ATP8B4: variants seen among roughly 807,000 people sequenced by gnomAD.
The protein encoded by ATP8B4 is probable phospholipid-transporting ATPase IM.
ATP8B4 carries 133 observed loss-of-function variants against 145.6 expected under a neutral mutation model. The ratio of observed to expected loss-of-function variants is 0.91; its 90% CI spans 0.79 to 1.05. ATP8B4 has a LOEUF of 1.05. Among genes scored for constraint, ATP8B4 ranks in the 50% least tolerant of loss-of-function variants. The pLI is 0.00. For synonymous variants in ATP8B4, 507 were observed against 492.9 expected (o/e 1.03, Z -0.38); for missense variants, 1,458 against 1,425.2 (o/e 1.02, Z -0.37).
rs775117819 is a variant in ATP8B4, at chr15:50,044,734, G to A, written c.202-42C>T. ...AAATAGTTTAGGGCTTTTAAAGTTAGAAAATATATCTTCCAAACTGTGTCA... is the reference window on the plus strand; with the variant it reads ...AAATAGTTTAGGGCTTTTAAAGTTAAAAAATATATCTTCCAAACTGTGTCA... On this transcript the variant is annotated intron_variant, in intron 4 of 27. Coordinates refer to ENST00000284509, the MANE Select transcript of ATP8B4 (RefSeq NM_024837.4). 17 of 1,383,548 alleles carry A rather than the reference G, an allele frequency of 1.2e-5. No individual in the cohort carries two copies. The African/African-American group carries it at 1.9e-4, about 15-fold the overall frequency. The allele number at this position is 1,383,548 out of a possible 1,614,324, so 85.7% of individuals were successfully genotyped here. A position where few individuals can be genotyped will look rare whatever the true frequency, so the allele number is the denominator to read the frequency against.
At chr15:50,036,491 A>G (rs1599954294) in intron 6 of ATP8B4, among the ~76,000 whole-genome samples, 1 of 152,288 alleles carries the variant, frequency 6.6e-6, no homozygotes, top group South Asian at 2.1e-4. Context: ...TCTGGGCAGA[A>G]CCCCAACAGC....
intron 3 of ATP8B4, among the ~76,000 whole-genome samples, chr15:50,049,601 G>A (rs558383657): frequency 6.6e-5 from 10 of 152,246 alleles, no homozygotes; most frequent in South Asian, 2.1e-4. Flanking sequence ...AAATAGTGCC[G>A]TAATGAACAT....
rs114501370 is a variant in ATP8B4, at chr15:50,174,466, G to A, written c.-43+7795C>T. ...CACAGTTTCCAGATACAAGATTAAC[G>A]TACACAAATCAGTAGCTCTTCTACA... is the stretch of plus-strand genomic sequence containing the variant. On this transcript the variant is annotated intron_variant, in intron 1 of 3. Transcript: ENST00000558829. 5.4e-3 allele frequency among the ~76,000 whole-genome samples: 818 copies of A among 150,936 alleles called. 8 individuals are homozygous for A. Among genetic ancestry groups the A allele is most frequent in the African/African-American group, 0.019 (766 of 40,982 alleles).
At chr15:49,949,508 A>G (rs1237843724) in intron 14 of ATP8B4, among the ~76,000 whole-genome samples, 1 of 152,150 alleles carries the variant, frequency 6.6e-6, no homozygotes, top group African/African-American at 2.4e-5. Flanking sequence ...TGATTTCTGC[A>G]CATTGATTTT....
rs1339387000 is a variant in ATP8B4 at position 50,103,227 on chromosome 15, C to G, written c.28+3712G>C. Reference sequence around the variant, plus strand: ...TTCACCACTTCTATTCAACATAGTACTGGAAGTCCTAGCCAGAGCAATCAG... The same window carrying G: ...TTCACCACTTCTATTCAACATAGTAGTGGAAGTCCTAGCCAGAGCAATCAG... On this transcript the variant is annotated intron_variant, in intron 2 of 27. Coordinates refer to ENST00000284509, the MANE Select transcript of ATP8B4 (RefSeq NM_024837.4). Among the ~76,000 whole-genome samples, 2 of 152,024 alleles carry G rather than the reference C, an allele frequency of 1.3e-5. 1 individual carries two copies. Among genetic ancestry groups the G allele is most frequent in the South Asian group, 4.1e-4 (2 of 4,820 alleles).
chr15:49,964,902 C>T (rs1376609251), intron 13 of ATP8B4, among the ~76,000 whole-genome samples: 2 of 152,074 alleles, frequency 1.3e-5, no homozygotes, highest in African/African-American at 4.8e-5. Flanking sequence ...CAAAAAAAAT[C>T]CAAAAGGTCC....
chr15:49,981,318 T>C, intron 10 of ATP8B4, 24 bp from the exon 11 acceptor site: 2 of 1,523,430 alleles, frequency 1.3e-6, no homozygotes, highest in South Asian at 1.1e-5. Context: ...AAAAAGTAAA[T>C]AACTTTGAAA....
chr15:50,105,463 G>A (rs1045521345), intron 2 of ATP8B4, among the ~76,000 whole-genome samples: 1 of 152,034 alleles, frequency 6.6e-6, no homozygotes. Flanking sequence ...TAGGGGAAAT[G>A]TAAATAAAAA....
intron 1 of ATP8B4, among the ~76,000 whole-genome samples, chr15:50,181,815 C>G (rs1326947208): frequency 6.6e-6 from 1 of 152,180 alleles, no homozygotes; most frequent in Non-Finnish European, 1.5e-5. Flanking sequence ...GGCAGTGGCA[C>G]CTGGTACCCG....
intron 1 of ATP8B4, among the ~76,000 whole-genome samples, chr15:50,166,130 T>A (rs1164652499): frequency 6.6e-6 from 1 of 152,158 alleles, no homozygotes; most frequent in Non-Finnish European, 1.5e-5. Flanking sequence ...GAGTGATATC[T>A]TGAAAGTACC....
chr15:49,972,621 T>C lies in ATP8B4; in HGVS notation c.1204A>G (p.Met402Val). Residue 402 changes from methionine (M) to valine (V), a missense_variant, in exon 13 of 28, where the codon ATG becomes GTG. Coordinates refer to ENST00000284509, the MANE Select transcript of ATP8B4 (RefSeq NM_024837.4). ...TTAATGGAACATCTTTTAAAGGTCA[T>C]GATGTTTTGAGTGAGGGTACCCGTT... ...DKTGTLTQNIMTFKRCSINGR... is the reference protein window; with the variant it reads ...DKTGTLTQNIVTFKRCSINGR... 6.2e-7 allele frequency: 1 copy of C among 1,613,906 alleles called. No individual in the cohort carries two copies. The highest frequency in any genetic ancestry group is 8.5e-7 in the Non-Finnish European group (1 of 1,179,884).
At chr15:50,108,376 C>T (rs776584149) in intron 1 of ATP8B4, among the ~76,000 whole-genome samples, 2 of 152,128 alleles carry the variant, frequency 1.3e-5, no homozygotes, top group Non-Finnish European at 2.9e-5. Flanking sequence ...TCATGTCACA[C>T]CCCTGCTAAA....
At chr15:50,057,293 A>T (rs920124208) in intron 3 of ATP8B4, among the ~76,000 whole-genome samples, 1 of 152,206 alleles carries the variant, frequency 6.6e-6, no homozygotes, top group South Asian at 2.1e-4. Context: ...AAAAAATCCA[A>T]TGAGCTGTGA....
chr15:50,047,391 C>G lies in ATP8B4; in HGVS notation c.161G>C (p.Arg54Thr). Residue 54 changes from arginine to threonine, a missense_variant, in exon 4 of 28, where the codon AGA becomes ACA. By Grantham distance (71) the Arg-to-Thr change is moderately conservative. Coordinates refer to ENST00000284509, the MANE Select transcript of ATP8B4 (RefSeq NM_024837.4). ...GCAAAGAAAATAGGCATTTGCCACTCTTTGGAACTGTTCAAATAAATTAAT... is the reference window on the plus strand; with the variant it reads ...GCAAAGAAAATAGGCATTTGCCACTGTTTGGAACTGTTCAAATAAATTAAT... ...LPINLFEQFQ[R>T]VANAYFLCLL... 6.3e-7 allele frequency: 1 copy of G among 1,597,664 alleles called. No individual in the cohort carries two copies. The highest frequency in any genetic ancestry group is 8.6e-7 in the Non-Finnish European group (1 of 1,165,210).
intron 19 of ATP8B4, 131 bp from the exon 20 acceptor site, chr15:49,917,170 C>T: frequency 1.3e-6 from 1 of 759,640 alleles, no homozygotes; most frequent in Non-Finnish European, 2.1e-6. Context: ...GAGAGCACAA[C>T]AGGTGATAAA....
chr15:50,040,329 G>GTCACTCCT (rs2051177346), intron 5 of ATP8B4, among the ~76,000 whole-genome samples: 1 of 152,188 alleles, frequency 6.6e-6, no homozygotes, highest in Non-Finnish European at 1.5e-5. Flanking sequence ...TCCAGGTCTG[G>GTCACTCCT]TCACTCCTTC....
rs1256058008 is a variant in ATP8B4, at chr15:49,969,363, TAGAC to T, written c.1243+3215_1243+3218del. 1.8e-4 allele frequency among the ~76,000 whole-genome samples: 27 copies of T among 151,636 alleles called. No individual in the cohort carries two copies. In the South Asian group the frequency reaches 2.7e-3, roughly 15 times the overall value. On this transcript the variant is annotated intron_variant, in intron 13 of 27. Transcript: ENST00000284509. ...TGGTTTTTTGAAAAGATTAACAAAA[TAGAC>T]AGACCACTAGCCAGAATAATAAAGA...
At chr15:49,884,472 G>A (rs1363082219) in intron 23 of ATP8B4, among the ~76,000 whole-genome samples, 1 of 151,792 alleles carries the variant, frequency 6.6e-6, no homozygotes, top group African/African-American at 2.4e-5. Context: ...ATGATGGTGT[G>A]CATCTTGTGA....
intron 3 of ATP8B4, among the ~76,000 whole-genome samples, chr15:50,070,919 T>A (rs943146045): frequency 3.3e-5 from 5 of 152,054 alleles, no homozygotes; most frequent in Non-Finnish European, 7.4e-5. Flanking sequence ...ATTTTTGTAT[T>A]TTTAGTATAG....
Sources: allele counts gnomAD v4.1 joint callset (sites outside exome capture counted in the v4.1 genomes callset), GRCh38; gene constraint gnomAD v4.1.1; transcripts MANE v1.5; gene names NCBI Gene and HGNC (gene_info 2026-07-23, HGNC 2026-07-21).